The following CEP85L variants were observed in gnomAD, a reference collection of about 807,000 sequenced individuals.
CEP85L encodes the protein centrosomal protein 85L.
CEP85L carries 60 observed loss-of-function variants against 100.3 expected under a neutral mutation model. The observed-to-expected ratio is 0.60, with a 90% CI of 0.49 to 0.74. The LOEUF is 0.74. CEP85L is among the 30% of genes least tolerant of loss of function. The pLI, the probability that CEP85L is intolerant of heterozygous loss-of-function variation, is 0.00. For missense variants in CEP85L, 973 were observed against 936.2 expected (o/e 1.04, Z -0.51); for synonymous variants, 319 against 322.7 (o/e 0.99, Z 0.12).
intron 6 of CEP85L, chr6:118,491,315 A>C (rs998060313): frequency 3.8e-6 from 1 of 261,298 alleles, no homozygotes; most frequent in African/African-American, 2.3e-5. Flanking sequence ...GCTTCAGTTT[A>C]ATAACTTAAG....
chr6:118,468,948 AGACT>A, intron 12 of CEP85L, 120 bp downstream of exon 12: 3 of 669,906 alleles, frequency 4.5e-6, no homozygotes, highest in Non-Finnish European at 7.7e-6. Context: ...ATAAACCCAC[AGACT>A]GATTCTAAGT....
intron 3 of CEP85L, among the ~76,000 whole-genome samples, chr6:118,538,705 A>G (rs1199873923): frequency 1.3e-5 from 2 of 152,038 alleles, no homozygotes; most frequent in Non-Finnish European, 2.9e-5. Context: ...ACTTTCTTTA[A>G]GCAAATCAAT....
At chr6:118,697,655 T>C (rs555526109) in intron 1 of CEP85L, among the ~76,000 whole-genome samples, 2 of 152,344 alleles carry the variant, frequency 1.3e-5, no homozygotes, top group East Asian at 3.9e-4. Context: ...TCATGATGGT[T>C]GGCAGAGAGG....
At chr6:118,650,629 G>C (rs931550288) in intron 1 of CEP85L, among the ~76,000 whole-genome samples, 2 of 152,176 alleles carry the variant, frequency 1.3e-5, no homozygotes, top group South Asian at 2.1e-4. Context: ...AAGTTCCCTT[G>C]GGGGTGGCTG....
intron 11 of CEP85L, among the ~76,000 whole-genome samples, chr6:118,469,821 C>CA (rs765303918): frequency 4.6e-5 from 7 of 152,092 alleles, no homozygotes; most frequent in Non-Finnish European, 8.8e-5. Flanking sequence ...AAGCTGGTCT[C>CA]AAACTCCTGG....
intron 3 of CEP85L, among the ~76,000 whole-genome samples, chr6:118,524,688 A>T (rs1776863799): frequency 6.6e-6 from 1 of 152,250 alleles, no homozygotes; most frequent in Non-Finnish European, 1.5e-5. Flanking sequence ...TTAGAATTTC[A>T]AAATCACAAA....
intron 2 of CEP85L, among the ~76,000 whole-genome samples, chr6:118,607,984 AG>A (rs1335022926): frequency 2.0e-5 from 3 of 152,184 alleles, no homozygotes; most frequent in Non-Finnish European, 4.4e-5. Context: ...GAAAGAAGTC[AG>A]GGCGAGTCCA....
intron 1 of CEP85L, among the ~76,000 whole-genome samples, chr6:118,668,166 G>A (rs2115420357): frequency 6.6e-6 from 1 of 152,296 alleles, no homozygotes; most frequent in Non-Finnish European, 1.5e-5. Flanking sequence ...TACTGTTCAA[G>A]CCAACTGGTA....
At chr6:118,568,749 A>T (rs1024985723) in intron 2 of CEP85L, among the ~76,000 whole-genome samples, 2 of 152,214 alleles carry the variant, frequency 1.3e-5, no homozygotes, top group African/African-American at 2.4e-5. Context: ...TATTCTGGTA[A>T]TCAGGAGAAC....
chr6:118,465,415 A>G lies in CEP85L; in HGVS notation c.2408T>C (p.Ile803Thr), dbSNP rs1772439419. The change falls in exon 13 of 13, where the codon ATT (isoleucine) becomes ACT (threonine). Residue 803 changes from isoleucine (I) to threonine (T), a missense_variant. Physicochemically the swap from Ile to Thr is moderately conservative, Grantham distance 89. Around this residue, in one of 3 missense-constraint regions of CEP85L, gnomAD observed 890 missense variants for 844.5 expected, o/e 1.05. Transcript: ENST00000368491. ...GGGACTAACACTTGATCACTGAGTAATGCAGTTGTCTCCCATGTCCTGAGC... is the reference window on the plus strand; with the variant it reads ...GGGACTAACACTTGATCACTGAGTAGTGCAGTTGTCTCCCATGTCCTGAGC... ...RYAQDMGDNC[I>T]TQ The G allele has an allele frequency of 1.9e-6, 3 of 1,612,938 alleles. No individual in the cohort carries two copies. Among genetic ancestry groups the G allele is most frequent in the African/African-American group, 2.7e-5 (2 of 74,868 alleles).
At chr6:118,516,865 T>TTTC (rs541650886) in intron 4 of CEP85L, among the ~76,000 whole-genome samples, 9 of 152,300 alleles carry the variant, frequency 5.9e-5, no homozygotes, top group Non-Finnish European at 1.3e-4. Context: ...TCTTCTAGGG[T>TTTC]TTTTATGGTT....
chr6:118,651,979 AG>A, upstream of CEP85L: 1 of 875,630 alleles, frequency 1.1e-6, no homozygotes, highest in African/African-American at 1.8e-5. Flanking sequence ...GGCGCGGCTG[AG>A]GGGGCTTCCA....
At chr6:118,486,190 T>C (rs1774168662) in intron 6 of CEP85L, among the ~76,000 whole-genome samples, 1 of 152,164 alleles carries the variant, frequency 6.6e-6, no homozygotes, top group Non-Finnish European at 1.5e-5. Flanking sequence ...TTTTGGTGTT[T>C]CATTTTTTTT....
intron 2 of CEP85L, among the ~76,000 whole-genome samples, chr6:118,603,116 G>T (rs768530231): frequency 6.6e-6 from 1 of 152,044 alleles, no homozygotes; most frequent in South Asian, 2.1e-4. Flanking sequence ...CACCACGCCA[G>T]GCCCCAGATA....
chr6:118,704,281 A>G lies in CEP85L; in HGVS notation c.-28+5755T>C, dbSNP rs868058421. ...TTTCCCTTTGGGGGCATGTTATTTT[A>G]GGGTCATTCTAAGGGTTCATGCCTA... On this transcript the variant is annotated intron_variant, in intron 1 of 13. Transcript: ENST00000368488. Among the ~76,000 whole-genome samples the G allele has an allele frequency of 9.2e-5, 14 of 152,344 alleles. No homozygotes were observed. The South Asian group carries it at 1.0e-3, about 11-fold the overall frequency.
chr6:118,519,416 G>A (rs1431445375), intron 4 of CEP85L, among the ~76,000 whole-genome samples: 2 of 146,130 alleles, frequency 1.4e-5, no homozygotes, highest in Non-Finnish European at 3.0e-5. Flanking sequence ...TCCAGTCTGG[G>A]TGACAGAGCA....
chr6:118,546,392 G>C (rs1778204939), intron 3 of CEP85L, among the ~76,000 whole-genome samples: 1 of 152,050 alleles, frequency 6.6e-6, no homozygotes, highest in African/African-American at 2.4e-5. Flanking sequence ...CAGCTTCTTG[G>C]TTTATCCAAC....
At chr6:118,536,459 T>G (rs144107388) in intron 3 of CEP85L, among the ~76,000 whole-genome samples, 14 of 152,318 alleles carry the variant, frequency 9.2e-5, no homozygotes, top group African/African-American at 3.4e-4. Context: ...CTTTACTGTA[T>G]GTTAGACATC....
intron 1 of CEP85L, among the ~76,000 whole-genome samples, chr6:118,699,939 C>T (rs1261976563): frequency 2.0e-5 from 3 of 152,126 alleles, no homozygotes; most frequent in Non-Finnish European, 4.4e-5. Context: ...AAGTGATCTG[C>T]CCGCCTCAGC....
Sources: gnomAD v4.1 joint callset for allele counts (sites outside exome capture counted in the v4.1 genomes callset) on GRCh38, gnomAD v4.1.1 for gene constraint, gnomAD v4.1.1 regional missense constraint, MANE v1.5 for transcripts, NCBI Gene and HGNC (gene_info 2026-07-23, HGNC 2026-07-21) for gene names.